The following ARMC9 variants were observed in gnomAD, a reference collection of about 807,000 sequenced individuals.
The protein encoded by ARMC9 is lisH domain-containing protein ARMC9.
Under a neutral mutation model 107.0 loss-of-function variants are expected in ARMC9, and 94 were observed. The observed-to-expected ratio is 0.88, with a 90% confidence interval of 0.74 to 1.04. The LOEUF is 1.04. Ranked by LOEUF, ARMC9 falls within the 50% of genes least tolerant of loss-of-function variation. The pLI is 0.00. For synonymous variants in ARMC9, 380 were observed against 396.9 expected, an observed-to-expected ratio of 0.96 and a Z score of 0.51; for missense variants, 942 against 1,030.1, an observed-to-expected ratio of 0.91 and a Z score of 1.17.
rs2041693796 is a variant in ARMC9, at chr2:231,301,066, G to C, written c.1773+4813G>C. On this transcript the variant is annotated intron_variant, in intron 19 of 24. Transcript: ENST00000611582. ...CATACTTAAAAGATGCACACACAGAGTACACGGAGGTATGTACTACACACA... is the reference window on the plus strand; with the variant it reads ...CATACTTAAAAGATGCACACACAGACTACACGGAGGTATGTACTACACACA... Among the ~76,000 whole-genome samples, 5 of 152,306 alleles carry C rather than the reference G, an allele frequency of 3.3e-5. No homozygotes were observed. The South Asian group carries it at 1.0e-3, about 32-fold the overall frequency.
intron 19 of ARMC9, among the ~76,000 whole-genome samples, chr2:231,326,969 G>A (rs561971600): frequency 4.5e-4 from 69 of 152,202 alleles, no homozygotes; most frequent in Non-Finnish European, 6.6e-4. Flanking sequence ...GGAGATGATG[G>A]CCTGCCCTCC....
chr2:231,267,647 G>C (rs1416092219), intron 12 of ARMC9, among the ~76,000 whole-genome samples: 1 of 152,206 alleles, frequency 6.6e-6, no homozygotes, highest in African/African-American at 2.4e-5. Flanking sequence ...TTCTGTGGGA[G>C]TAAAAAACTG....
rs1201925277 is a variant in ARMC9 at position 231,239,951 on chromosome 2, T to C, written c.789T>C (p.Pro263=). Residue 263 remains proline (P), a synonymous_variant, in exon 9 of 25, where the codon CCT becomes CCC. Coordinates refer to ENST00000611582, the MANE Select transcript of ARMC9 (RefSeq NM_001352754.2). The part of the protein sequence containing the change: ...EATVSGKMIT[P]EYLQSVCVRL... The stretch of plus-strand genomic sequence containing the variant: ...TTGTATCCTCCTTGCAGATCACCCC[T>C]GAGTACCTCCAGAGCGTCTGTGTCC... 2 of 1,613,812 alleles carry C rather than the reference T, an allele frequency of 1.2e-6. No homozygotes were observed. Among genetic ancestry groups the C allele is most frequent in the African/African-American group, 1.3e-5 (1 of 74,940 alleles).
Position 231,272,934 on chromosome 2 carries a change from TC to T in ARMC9, c.1211-20del. 6.2e-7 allele frequency: 1 copy of T among 1,604,226 alleles called. No individual in the cohort carries two copies. On this transcript the variant is annotated intron_variant, in intron 13 of 24. Transcript: ENST00000611582. The stretch of plus-strand genomic sequence containing the variant: ...AAATTATTTCTGTCTTTCACCTGTT[TC>T]ATCTCTGGTGTATTATCAGGTCGCC...
At chr2:231,303,904 C>G (rs892359479) in intron 19 of ARMC9, among the ~76,000 whole-genome samples, 1 of 152,074 alleles carries the variant, frequency 6.6e-6, no homozygotes, top group African/African-American at 2.4e-5. Flanking sequence ...CTACTGCACT[C>G]CAGACTGGGC....
chr2:231,230,362 AAAG>A (rs1454982406), intron 7 of ARMC9, among the ~76,000 whole-genome samples: 3 of 152,328 alleles, frequency 2.0e-5, no homozygotes, highest in African/African-American at 7.2e-5. Context: ...TCAAAAAAAA[AAAG>A]AAGAGGAAAT....
intron 5 of ARMC9, among the ~76,000 whole-genome samples, chr2:231,217,039 T>C (rs887035634): frequency 6.6e-6 from 1 of 152,224 alleles, no homozygotes; most frequent in Non-Finnish European, 1.5e-5. Flanking sequence ...GGAAGAGTTA[T>C]AGTAATTAAC....
At chr2:231,270,443 T>G (rs2039225419) in intron 12 of ARMC9, 1 of 356,734 alleles carries the variant, frequency 2.8e-6, no homozygotes, top group Non-Finnish European at 5.6e-6. Flanking sequence ...CTTTGAGGAG[T>G]GAGTAATGGA....
chr2:231,227,502 G>A (rs1274893791), intron 7 of ARMC9, among the ~76,000 whole-genome samples: 1 of 152,208 alleles, frequency 6.6e-6, no homozygotes, highest in Non-Finnish European at 1.5e-5. Flanking sequence ...CCCAGTAGGT[G>A]GAGTGTGACT....
intron 10 of ARMC9, among the ~76,000 whole-genome samples, chr2:231,256,823 T>TTTG (rs2037864215): frequency 7.9e-5 from 12 of 152,342 alleles, no homozygotes; most frequent in Non-Finnish European, 1.8e-4. Flanking sequence ...TGTGTGGTTT[T>TTTG]TTTGTTTGTT....
chr2:231,371,574 C>A lies in ARMC9; in HGVS notation c.*39C>A, dbSNP rs2046021680. On this transcript the variant is annotated 3_prime_UTR_variant, in exon 25 of 25. Transcript: ENST00000611582. The stretch of plus-strand genomic sequence containing the variant: ...TGTCCCCATCACGTTGCCGGAGGAC[C>A]AGCCAGCTTCCCGCTCTCAGCTGGC... 4.1e-6 allele frequency: 5 copies of A among 1,234,524 alleles called. No individual in the cohort carries two copies. In the South Asian group the frequency reaches 2.0e-4, roughly 50 times the overall value. The allele number at this position is 1,234,524 out of a possible 1,614,324, so 76.5% of individuals were successfully genotyped here. A position where few individuals can be genotyped will look rare whatever the true frequency, so the allele number is the denominator to read the frequency against.
chr2:231,351,650 A>G (rs367544353), intron 21 of ARMC9, among the ~76,000 whole-genome samples: 1 of 151,972 alleles, frequency 6.6e-6, no homozygotes. Flanking sequence ...TTGCAGTTTG[A>G]TTTTTGTTTG....
chr2:231,246,272 C>T (rs887147196), intron 9 of ARMC9, among the ~76,000 whole-genome samples: 5 of 152,130 alleles, frequency 3.3e-5, no homozygotes, highest in Non-Finnish European at 7.4e-5. Flanking sequence ...AATTACATGT[C>T]ACTGGGATTT....
intron 19 of ARMC9, among the ~76,000 whole-genome samples, chr2:231,302,433 G>GGT (rs2041792097): frequency 1.0e-5 from 1 of 96,394 alleles, no homozygotes; most frequent in Non-Finnish European, 2.1e-5. Context: ...AGCATTGTGG[G>GGT]TTTGTTTTTT....
At position 231,356,314 on chromosome 2, in the gene ARMC9, G is replaced by A. The variant is rs967198164; in HGVS notation, c.2131+380G>A. On this transcript the variant is annotated intron_variant, in intron 22 of 24. Coordinates refer to ENST00000611582, the MANE Select transcript of ARMC9 (RefSeq NM_001352754.2). ...CCAGCCGCCTGCTGGAAGGCTGGAC[G>A]GAGGCAGAAATGTGCAACTAAGAGC... Among the ~76,000 whole-genome samples the A allele has an allele frequency of 2.1e-4, 32 of 152,226 alleles. 1 individual carries two copies. Among genetic ancestry groups the A allele is most frequent in the African/African-American group, 7.7e-4 (32 of 41,458 alleles).
intron 18 of ARMC9, among the ~76,000 whole-genome samples, chr2:231,292,772 C>G (rs1473688138): frequency 6.6e-6 from 1 of 152,222 alleles, no homozygotes; most frequent in African/African-American, 2.4e-5. Flanking sequence ...CTTCTGCACA[C>G]GAGCAGAAAG....
intron 19 of ARMC9, among the ~76,000 whole-genome samples, chr2:231,325,408 A>G (rs1308525158): frequency 2.6e-5 from 4 of 152,218 alleles, no homozygotes; most frequent in African/African-American, 4.8e-5. Flanking sequence ...GCCATTGACT[A>G]TGTGTTTCTC....
At position 231,291,371 on chromosome 2, in the gene ARMC9, C is replaced by A; in HGVS notation, c.1645C>A (p.Arg549Ser). The stretch of plus-strand genomic sequence containing the variant: ...CTTCTAGGGAATGGAAGACATCCTA[C>A]GCTGCTTCATCAAAGAAGGCAATGC... Reference protein sequence around the residue: ...ARAMGMEDILRCFIKEGNAEM... With the variant: ...ARAMGMEDILSCFIKEGNAEM... The change falls in exon 18 of 25, where the codon CGC becomes AGC. Residue 549 changes from arginine to serine, a missense_variant. Coordinates refer to ENST00000611582, the MANE Select transcript of ARMC9 (RefSeq NM_001352754.2). The A allele has an allele frequency of 6.2e-7, 1 of 1,613,524 alleles. No homozygotes were observed. The highest frequency in any genetic ancestry group is 1.1e-5 in the South Asian group (1 of 91,070).
At chr2:231,242,132 T>TA (rs1465966528) in intron 9 of ARMC9, among the ~76,000 whole-genome samples, 18 of 151,852 alleles carry the variant, frequency 1.2e-4, no homozygotes, top group African/African-American at 4.1e-4. Flanking sequence ...TTATGTAATT[T>TA]AAAAACAAGT....
Sources: allele counts gnomAD v4.1 joint callset (sites outside exome capture counted in the v4.1 genomes callset), GRCh38; gene constraint gnomAD v4.1.1; transcripts MANE v1.5; gene names NCBI Gene and HGNC (gene_info 2026-07-23, HGNC 2026-07-21).